TMEM156: variants seen among roughly 807,000 people sequenced by gnomAD.
TMEM156 encodes the protein transmembrane protein 156.
A neutral mutation model predicts 30.5 loss-of-function variants in TMEM156; 28 were observed. That is an observed-to-expected ratio of 0.92 (90% CI 0.68 to 1.26). TMEM156 has a LOEUF of 1.26. TMEM156 is among the 50% of genes most tolerant of loss of function. The pLI is 0.00. For synonymous variants in TMEM156, 137 were observed against 119.9 expected, an observed-to-expected ratio of 1.14 and a Z score of -0.93; for missense variants, 351 against 340.6, an observed-to-expected ratio of 1.03 and a Z score of -0.24.
At chr4:38,976,223 G>A (rs184270273) in intron 5 of TMEM156, among the ~76,000 whole-genome samples, 19 of 150,922 alleles carry the variant, frequency 1.3e-4, no homozygotes, top group South Asian at 4.2e-4. Flanking sequence ...CTCGGGAGGC[G>A]GAAGTTGCAG....
In TMEM156 at chr4:38,972,891, C is replaced by T. The variant is rs887287893; in HGVS notation, c.824-1754G>A. On this transcript the variant is annotated intron_variant, in intron 5 of 6. Coordinates refer to ENST00000381938, the MANE Select transcript of TMEM156 (RefSeq NM_024943.3). Reference sequence around the variant, plus strand: ...ATTAATTGTTGGTCTTTTTTCTTAGCTTGTGATAGTTTTTTTGCTGTGTAC... The same window carrying T: ...ATTAATTGTTGGTCTTTTTTCTTAGTTTGTGATAGTTTTTTTGCTGTGTAC... Among the ~76,000 whole-genome samples the T allele has an allele frequency of 5.3e-5, 8 of 152,202 alleles. No individual in the cohort carries two copies. In the South Asian group the frequency reaches 1.5e-3, roughly 28 times the overall value.
chr4:39,029,264 G>A (rs1283110483), intron 1 of TMEM156, among the ~76,000 whole-genome samples: 1 of 151,640 alleles, frequency 6.6e-6, no homozygotes, highest in Non-Finnish European at 1.5e-5. Flanking sequence ...AAATTAAAGT[G>A]AATAGAACAT....
intron 5 of TMEM156, among the ~76,000 whole-genome samples, chr4:38,985,852 A>T (rs1711942687): frequency 6.6e-6 from 1 of 152,136 alleles, no homozygotes; most frequent in African/African-American, 2.4e-5. Flanking sequence ...AGCCCCCATC[A>T]CTGCTCTAAT....
chr4:39,015,468 C>G (rs1344117620), intron 1 of TMEM156, among the ~76,000 whole-genome samples: 1 of 152,134 alleles, frequency 6.6e-6, no homozygotes, highest in Non-Finnish European at 1.5e-5. Flanking sequence ...AAGGAGGCCA[C>G]AAGCCAAGGA....
intron 1 of TMEM156, among the ~76,000 whole-genome samples, chr4:39,009,247 A>G (rs1202690682): frequency 2.0e-5 from 3 of 152,162 alleles, no homozygotes; most frequent in Non-Finnish European, 2.9e-5. Context: ...AAATTGAATC[A>G]GTAATAAAAA....
chr4:38,998,608 C>G (rs1713098162), intron 2 of TMEM156, 32 bp downstream of exon 2: 1 of 1,564,186 alleles, frequency 6.4e-7, no homozygotes, highest in Non-Finnish European at 8.7e-7. Context: ...ATACCTGATA[C>G]CATTTTATTC....
chr4:38,995,522 C>G (rs1388641957), intron 2 of TMEM156, among the ~76,000 whole-genome samples: 2 of 152,168 alleles, frequency 1.3e-5, no homozygotes, highest in Non-Finnish European at 2.9e-5. Context: ...TGAGATCATC[C>G]TGAGCAACAT....
At chr4:38,968,683 A>T (rs1392956891) in intron 6 of TMEM156, among the ~76,000 whole-genome samples, 1 of 152,258 alleles carries the variant, frequency 6.6e-6, no homozygotes, top group African/African-American at 2.4e-5. Context: ...TATGCTACTT[A>T]GGAATTTCTG....
chr4:39,019,613 C>T (rs1714729438), intron 1 of TMEM156, among the ~76,000 whole-genome samples: 1 of 152,064 alleles, frequency 6.6e-6, no homozygotes, highest in Non-Finnish European at 1.5e-5. Flanking sequence ...AATCACAGTA[C>T]CTTACATTTT....
At chr4:39,026,372 T>TA (rs201586159) in intron 1 of TMEM156, among the ~76,000 whole-genome samples, 1 of 69,946 alleles carries the variant, frequency 1.4e-5, no homozygotes, top group Non-Finnish European at 2.7e-5. Context: ...TTTAAAAAAT[T>TA]AAAAAAAAAA....
At chr4:38,986,276 G>C in intron 5 of TMEM156, 60 bp downstream of exon 5, 1 of 1,199,350 alleles carries the variant, frequency 8.3e-7, no homozygotes, top group South Asian at 1.2e-5. Flanking sequence ...ACTGTGTAGT[G>C]AAACCATGCA....
At chr4:38,969,462 T>C (rs1293549724) in intron 6 of TMEM156, among the ~76,000 whole-genome samples, 1 of 152,276 alleles carries the variant, frequency 6.6e-6, no homozygotes, top group Non-Finnish European at 1.5e-5. Flanking sequence ...CACATTTGTT[T>C]ATCCATTCAC....
intron 5 of TMEM156, among the ~76,000 whole-genome samples, chr4:38,971,903 C>A (rs939233500): frequency 2.6e-5 from 4 of 152,054 alleles, no homozygotes; most frequent in African/African-American, 9.7e-5. Flanking sequence ...GATTCTCCTG[C>A]CTCAGCCTCC....
chr4:38,973,058 T>C (rs1021002501), intron 5 of TMEM156, among the ~76,000 whole-genome samples: 4 of 152,212 alleles, frequency 2.6e-5, no homozygotes, highest in Non-Finnish European at 5.9e-5. Context: ...ATTAAAATCA[T>C]TGATCCATTT....
chr4:38,999,110 A>ATTT (rs34889728), intron 1 of TMEM156, among the ~76,000 whole-genome samples: 24 of 106,050 alleles, frequency 2.3e-4, no homozygotes, highest in Non-Finnish European at 3.5e-4. Flanking sequence ...TTATTTATTT[A>ATTT]TTTTTTTTTT....
At chr4:38,992,664 A>G (rs564744816) in intron 3 of TMEM156, among the ~76,000 whole-genome samples, 1 of 87,082 alleles carries the variant, frequency 1.1e-5, no homozygotes, top group East Asian at 5.0e-4. Context: ...ACAATGTGCT[A>G]CATATATATA....
intron 1 of TMEM156, among the ~76,000 whole-genome samples, chr4:39,024,793 C>A (rs1440140625): frequency 6.6e-6 from 1 of 152,192 alleles, no homozygotes; most frequent in African/African-American, 2.4e-5. Context: ...ATATAACAAA[C>A]CTGCACATGT....
intron 3 of TMEM156, among the ~76,000 whole-genome samples, chr4:38,992,845 T>A (rs2109953490): frequency 6.7e-6 from 1 of 149,094 alleles, no homozygotes; most frequent in Admixed American, 6.7e-5. Context: ...CACTGTAACC[T>A]CCGCCTCCCG....
At position 38,971,977 on chromosome 4, in the gene TMEM156, C is replaced by T. The variant is rs137897254; in HGVS notation, c.824-840G>A. Among the ~76,000 whole-genome samples the T allele has an allele frequency of 2.1e-4, 32 of 151,886 alleles. No homozygotes were observed. The East Asian group carries it at 6.0e-3, about 29-fold the overall frequency. On this transcript the variant is annotated intron_variant, in intron 5 of 6. Transcript: ENST00000381938. ...GCTAATTTTGTATTTTTACTAGAGACGGGGTTTCTCCATGTTGATCAGGCT... is the reference window on the plus strand; with the variant it reads ...GCTAATTTTGTATTTTTACTAGAGATGGGGTTTCTCCATGTTGATCAGGCT...
Sources: gnomAD v4.1 joint callset for allele counts (sites outside exome capture counted in the v4.1 genomes callset) on GRCh38, gnomAD v4.1.1 for gene constraint, MANE v1.5 for transcripts, NCBI Gene and HGNC (gene_info 2026-07-23, HGNC 2026-07-21) for gene names.